NKAIN3: variants seen among roughly 807,000 people sequenced by gnomAD.
NKAIN3 encodes sodium/potassium transporting ATPase interacting 3.
In NKAIN3, 25 loss-of-function variants were observed where a neutral mutation model predicts 30.2. That is an observed-to-expected ratio of 0.83 (90% confidence interval 0.60 to 1.16). The LOEUF is 1.16. NKAIN3 is among the 50% of genes most tolerant of loss of function. The pLI is 0.00. For missense variants in NKAIN3, 225 were observed against 254.1 expected (o/e 0.89, Z 0.78); for synonymous variants, 91 against 89.6 (o/e 1.02, Z -0.09).
At chr8:62,256,934 T>C (rs1812279466) in intron 1 of NKAIN3, among the ~76,000 whole-genome samples, 1 of 152,214 alleles carries the variant, frequency 6.6e-6, no homozygotes, top group South Asian at 2.1e-4. Flanking sequence ...ATGTTCCTGT[T>C]TCTCTACTTT....
At chr8:62,859,836 T>C (rs1015569911) in intron 4 of NKAIN3, among the ~76,000 whole-genome samples, 1 of 152,200 alleles carries the variant, frequency 6.6e-6, no homozygotes, top group African/African-American at 2.4e-5. Flanking sequence ...GCTTCCAATG[T>C]TGCTGATTTC....
At chr8:62,591,638 G>A (rs759221424) in intron 3 of NKAIN3, among the ~76,000 whole-genome samples, 1 of 151,964 alleles carries the variant, frequency 6.6e-6, no homozygotes, top group African/African-American at 2.4e-5. Context: ...CATGGACATA[G>A]TAGTCCTGGT....
At chr8:62,638,406 A>C (rs928854335) in intron 3 of NKAIN3, among the ~76,000 whole-genome samples, 15 of 152,186 alleles carry the variant, frequency 9.9e-5, no homozygotes, top group Middle Eastern at 3.2e-3. Context: ...GTACTTTCAA[A>C]TGAGAGTCAC....
chr8:62,949,630 G>T (rs948677085), intron 5 of NKAIN3, among the ~76,000 whole-genome samples: 1 of 152,186 alleles, frequency 6.6e-6, no homozygotes, highest in Non-Finnish European at 1.5e-5. Context: ...GATCTTTGAT[G>T]GTAACACCTC....
At chr8:62,588,236 T>C (rs1375084589) in intron 2 of NKAIN3, among the ~76,000 whole-genome samples, 2 of 151,806 alleles carry the variant, frequency 1.3e-5, no homozygotes, top group East Asian at 3.9e-4. Flanking sequence ...AAGTTTAAAA[T>C]TTACTAAGTC....
At chr8:62,827,714 A>T (rs1446973751) in intron 4 of NKAIN3, among the ~76,000 whole-genome samples, 1 of 152,216 alleles carries the variant, frequency 6.6e-6, no homozygotes, top group Non-Finnish European at 1.5e-5. Context: ...AACAAATAAG[A>T]GTAGACAATA....
intron 3 of NKAIN3, among the ~76,000 whole-genome samples, chr8:62,662,825 G>A (rs1812987353): frequency 6.6e-6 from 1 of 152,176 alleles, no homozygotes; most frequent in South Asian, 2.1e-4. Flanking sequence ...ATTCAGTGAT[G>A]AGTAAACACT....
intron 1 of NKAIN3, among the ~76,000 whole-genome samples, chr8:62,294,650 C>T (rs894907964): frequency 6.6e-6 from 1 of 152,082 alleles, no homozygotes. Context: ...CCAATTTCAG[C>T]TATTTTCCCA....
chr8:62,396,973 C>T (rs1817784623), intron 1 of NKAIN3, among the ~76,000 whole-genome samples: 2 of 152,184 alleles, frequency 1.3e-5, no homozygotes, highest in Admixed American at 1.3e-4. Flanking sequence ...CAGGTTTTAA[C>T]AATTTATTGT....
At chr8:62,688,262 T>A (rs1160506464) in intron 3 of NKAIN3, among the ~76,000 whole-genome samples, 1 of 152,206 alleles carries the variant, frequency 6.6e-6, no homozygotes, top group Admixed American at 6.5e-5. Flanking sequence ...ATATTGGCCT[T>A]GGATCTAAAC....
At chr8:62,367,413 A>G (rs901740001) in intron 1 of NKAIN3, among the ~76,000 whole-genome samples, 7 of 152,224 alleles carry the variant, frequency 4.6e-5, no homozygotes, top group African/African-American at 7.2e-5. Context: ...GGATGGTTCA[A>G]TATGTGCAAA....
At chr8:62,943,728 GTATATATT>G (rs1295282300) in intron 5 of NKAIN3, among the ~76,000 whole-genome samples, 2 of 147,350 alleles carry the variant, frequency 1.4e-5, no homozygotes, top group Admixed American at 6.8e-5. Flanking sequence ...TTTTTAAAAT[GTATATATT>G]TATATATTTA....
chr8:62,407,026 G>A (rs1804092626), intron 1 of NKAIN3, among the ~76,000 whole-genome samples: 1 of 152,096 alleles, frequency 6.6e-6, no homozygotes, highest in Non-Finnish European at 1.5e-5. Flanking sequence ...TAACAATATA[G>A]ACATTTGAAT....
chr8:62,611,364 C>T (rs552553506), intron 3 of NKAIN3, among the ~76,000 whole-genome samples: 2 of 152,064 alleles, frequency 1.3e-5, no homozygotes, highest in East Asian at 3.9e-4. Context: ...CTAGAGTCAC[C>T]CTATTGTGCT....
chr8:62,740,904 A>G (rs1405777642), intron 3 of NKAIN3, among the ~76,000 whole-genome samples: 3 of 152,120 alleles, frequency 2.0e-5, no homozygotes, highest in East Asian at 3.8e-4. Context: ...CTTTTAAGTC[A>G]TAACTCTGTG....
chr8:62,444,454 G>A (rs1302176239), intron 1 of NKAIN3, among the ~76,000 whole-genome samples: 1 of 151,842 alleles, frequency 6.6e-6, no homozygotes, highest in Non-Finnish European at 1.5e-5. Flanking sequence ...CACTTTTTTA[G>A]CTTCCACCTG....
chr8:62,811,077 C>G (rs769347491), intron 4 of NKAIN3, among the ~76,000 whole-genome samples: 12 of 152,104 alleles, frequency 7.9e-5, no homozygotes, highest in Non-Finnish European at 1.3e-4. Flanking sequence ...CCCTTGATCT[C>G]TGACAATCCC....
intron 3 of NKAIN3, among the ~76,000 whole-genome samples, chr8:62,679,925 G>A (rs1164288053): frequency 2.6e-5 from 4 of 152,238 alleles, no homozygotes; most frequent in Admixed American, 2.0e-4. Flanking sequence ...AAAGTTCAGG[G>A]ACCTTAAATA....
At chr8:62,878,509 T>TTTA (rs77965849) in intron 4 of NKAIN3, among the ~76,000 whole-genome samples, 2,404 of 151,102 alleles carry the variant, frequency 0.016, 20 homozygotes, top group Non-Finnish European at 0.019. Flanking sequence ...TTGTTGTGTT[T>TTTA]TTATTATTAT....
Sources: gnomAD v4.1 joint callset for allele counts (sites outside exome capture counted in the v4.1 genomes callset) on GRCh38, gnomAD v4.1.1 for gene constraint, MANE v1.5 for transcripts, NCBI Gene and HGNC (gene_info 2026-07-23, HGNC 2026-07-21) for gene names.